The following SPATA18 variants were observed in gnomAD, a reference collection of about 807,000 sequenced individuals.
SPATA18 encodes the protein mitochondria-eating protein.
A neutral mutation model predicts 68.1 loss-of-function variants in SPATA18; 54 were observed. The observed-to-expected ratio is 0.79, with a 90% confidence interval of 0.64 to 0.99. The LOEUF (loss-of-function observed/expected upper bound fraction) is 0.99, where lower values mean the gene tolerates loss of function less well. SPATA18 is among the 50% of genes least tolerant of loss of function. SPATA18 has a pLI of 0.00. For missense variants in SPATA18, 724 were observed against 681.1 expected (o/e 1.06, Z -0.70); for synonymous variants, 242 against 244.8 (o/e 0.99, Z 0.11).
intron 11 of SPATA18, among the ~76,000 whole-genome samples, chr4:52,086,597 A>T (rs1163529116): frequency 6.6e-6 from 1 of 152,158 alleles, no homozygotes; most frequent in Non-Finnish European, 1.5e-5. Flanking sequence ...ACATAAATTC[A>T]TCCTTTTTTA....
At position 52,082,439 on chromosome 4, in the gene SPATA18, G is replaced by A. The variant is rs369369114; in HGVS notation, c.1408G>A (p.Val470Met). The stretch of plus-strand genomic sequence containing the variant: ...CACTGCTCCCTTAGTCCTCTATCAC[G>A]TGTGGCCTGCTCTCATGGAGAATGA... ...DFTAPLVLYHVWPALMENDCV... is the reference protein window; with the variant it reads ...DFTAPLVLYHMWPALMENDCV... The change falls in exon 10 of 13, where the codon GTG (valine) becomes ATG (methionine). Residue 470 changes from valine to methionine, a missense_variant. Coordinates refer to ENST00000295213, the MANE Select transcript of SPATA18 (RefSeq NM_145263.4). 4.3e-5 allele frequency: 70 copies of A among 1,613,974 alleles called. No individual in the cohort carries two copies. Among genetic ancestry groups the A allele is most frequent in the Non-Finnish European group, 5.2e-5 (61 of 1,180,020 alleles).
At chr4:52,094,786 T>G in intron 12 of SPATA18, 94 bp from the exon 13 acceptor site, 5 of 1,544,152 alleles carry the variant, frequency 3.2e-6, no homozygotes, top group Non-Finnish European at 4.5e-6. Flanking sequence ...TTCATTGCCA[T>G]AAACCTAGAT....
intron 9 of SPATA18, among the ~76,000 whole-genome samples, chr4:52,080,873 A>G (rs557357782): frequency 6.6e-6 from 1 of 152,346 alleles, no homozygotes; most frequent in South Asian, 2.1e-4. Flanking sequence ...TATGCCCAGC[A>G]TTCCTGAAAG....
At chr4:52,067,347 T>C (rs1422706292) in intron 4 of SPATA18, among the ~76,000 whole-genome samples, 1 of 152,184 alleles carries the variant, frequency 6.6e-6, no homozygotes, top group Non-Finnish European at 1.5e-5. Flanking sequence ...TTGATGGGGT[T>C]GTTTGTTTTT....
At chr4:52,062,432 C>A (rs1738952706) in intron 4 of SPATA18, 100 bp downstream of exon 4, 2 of 773,358 alleles carry the variant, frequency 2.6e-6, no homozygotes, top group Non-Finnish European at 4.3e-6. Context: ...AAAATGTGGG[C>A]ATTTGCAAAT....
At chr4:52,056,537 C>T (rs1355597701) in intron 1 of SPATA18, among the ~76,000 whole-genome samples, 1 of 142,478 alleles carries the variant, frequency 7.0e-6, no homozygotes, top group Non-Finnish European at 1.6e-5. Context: ...ACATTCCATC[C>T]GAAGGTCCTG....
chr4:52,054,625 T>C (rs1183374506), intron 1 of SPATA18, among the ~76,000 whole-genome samples: 1 of 152,002 alleles, frequency 6.6e-6, no homozygotes, highest in African/African-American at 2.4e-5. Flanking sequence ...GCCCTATACA[T>C]CAAAGGTGGA....
At chr4:52,070,889 G>GGA (rs1560592806) in intron 5 of SPATA18, among the ~76,000 whole-genome samples, 1 of 151,536 alleles carries the variant, frequency 6.6e-6, no homozygotes, top group African/African-American at 2.4e-5. Context: ...GTGGGGGGGG[G>GGA]GGTGTTTTAC....
chr4:52,080,077 A>G (rs1740790984), intron 9 of SPATA18, among the ~76,000 whole-genome samples, 158 bp downstream of exon 9: 1 of 152,240 alleles, frequency 6.6e-6, no homozygotes, highest in South Asian at 2.1e-4. Context: ...ACTCCAGGGC[A>G]GGACCCACTC....
chr4:52,091,743 A>G (rs1446477252), intron 11 of SPATA18, among the ~76,000 whole-genome samples: 1 of 152,200 alleles, frequency 6.6e-6, no homozygotes, highest in Non-Finnish European at 1.5e-5. Context: ...GTCAGTATAC[A>G]CAGGAGTCAG....
intron 1 of SPATA18, among the ~76,000 whole-genome samples, chr4:52,056,472 CA>C (rs1473906908): frequency 6.6e-6 from 1 of 152,196 alleles, no homozygotes; most frequent in Non-Finnish European, 1.5e-5. Flanking sequence ...GCTCTTAGCA[CA>C]GGGCCTGGCT....
intron 12 of SPATA18, 126 bp from the exon 13 acceptor site, chr4:52,094,754 A>G: frequency 7.2e-7 from 1 of 1,385,450 alleles, no homozygotes; most frequent in Non-Finnish European, 1.0e-6. Flanking sequence ...GGTCATGTAG[A>G]AGGAGCTTCC....
intron 7 of SPATA18, 184 bp from the exon 8 acceptor site, chr4:52,078,551 T>C: frequency 2.1e-6 from 1 of 478,834 alleles, no homozygotes; most frequent in South Asian, 4.4e-5. Context: ...GATTATTATA[T>C]GTTTATGTAC....
At chr4:52,078,447 A>G (rs1185174167) in intron 7 of SPATA18, 1 of 248,192 alleles carries the variant, frequency 4.0e-6, no homozygotes, top group Non-Finnish European at 7.7e-6. Context: ...GGCTTATAGC[A>G]GGGGATTTAT....
At chr4:52,055,277 T>C (rs890136165) in intron 1 of SPATA18, among the ~76,000 whole-genome samples, 5 of 152,366 alleles carry the variant, frequency 3.3e-5, no homozygotes, top group Admixed American at 2.6e-4. Flanking sequence ...TCTACACTTA[T>C]AACGTGGAAA....
intron 4 of SPATA18, among the ~76,000 whole-genome samples, chr4:52,069,026 G>C (rs958913953): frequency 7.2e-5 from 11 of 152,002 alleles, no homozygotes; most frequent in African/African-American, 2.7e-4. Context: ...ACCACACCTG[G>C]CTAATGTTAT....
chr4:52,055,222 C>T (rs1738233769), intron 1 of SPATA18, among the ~76,000 whole-genome samples: 1 of 152,152 alleles, frequency 6.6e-6, no homozygotes, highest in African/African-American at 2.4e-5. Context: ...GCTTTCCTGT[C>T]TGCACAAAGC....
chr4:52,073,028 AC>A (rs1053625544), intron 6 of SPATA18, among the ~76,000 whole-genome samples: 1 of 151,252 alleles, frequency 6.6e-6, no homozygotes, highest in Non-Finnish European at 1.5e-5. Flanking sequence ...CTTTTTAACA[AC>A]CCCCCTCAAG....
chr4:52,083,594 A>C, intron 10 of SPATA18: 1 of 540,344 alleles, frequency 1.9e-6, no homozygotes, highest in Non-Finnish European at 2.4e-6. Context: ...AAAATAAACA[A>C]ATTAGCTGGG....
Sources: allele counts gnomAD v4.1 joint callset (sites outside exome capture counted in the v4.1 genomes callset), GRCh38; gene constraint gnomAD v4.1.1; transcripts MANE v1.5; gene names NCBI Gene and HGNC (gene_info 2026-07-23, HGNC 2026-07-21).